SLC20A2: variants seen among roughly 807,000 people sequenced by gnomAD.
SLC20A2 encodes solute carrier family 20 member 2, also known as sodium-dependent phosphate transporter 2.
Under a neutral mutation model 61.0 loss-of-function variants are expected in SLC20A2, and 30 were observed. That is an observed-to-expected ratio of 0.49 (90% CI 0.37 to 0.67). The LOEUF (loss-of-function observed/expected upper bound fraction) is 0.67. Ranked by LOEUF, SLC20A2 falls within the 30% of genes least tolerant of loss-of-function variation. SLC20A2 has a pLI of 0.00. For missense variants in SLC20A2, 626 were observed against 866.4 expected (o/e 0.72, Z 3.48); for synonymous variants, 351 against 353.3 (o/e 0.99, Z 0.07).
In SLC20A2 at chr8:42,437,591, GAGA is replaced by G. The variant is rs1586025944; in HGVS notation, c.935-17_935-15del. The G allele has an allele frequency of 6.5e-7, 1 of 1,543,498 alleles. No individual in the cohort carries two copies. The highest frequency in any genetic ancestry group is 8.7e-7 in the Non-Finnish European group (1 of 1,145,914). Reference sequence around the variant, plus strand: ...ACAGTGCTCTTCCTGAAAAGGGTTAGAGAAGGTCTCATTTTCCAGTCTTTTTTT... The same window carrying G: ...ACAGTGCTCTTCCTGAAAAGGGTTAGAGGTCTCATTTTCCAGTCTTTTTTT... On this transcript the variant is annotated splice_polypyrimidine_tract_variant and intron_variant, in intron 7 of 10. Transcript: ENST00000520262. This position sits in a 1 kb window ranked among gnomAD's most constrained non-coding sequence, Gnocchi z 6.4.
intron 6 of SLC20A2, among the ~76,000 whole-genome samples, chr8:42,441,908 A>C (rs1308608867): frequency 6.6e-6 from 1 of 151,652 alleles, no homozygotes; most frequent in Non-Finnish European, 1.5e-5. Flanking sequence ...AATAGTTTGA[A>C]ATTTTGATGA....
At chr8:42,538,642 G>A (rs1237823398) in intron 1 of SLC20A2, among the ~76,000 whole-genome samples, 2 of 152,192 alleles carry the variant, frequency 1.3e-5, no homozygotes, top group Non-Finnish European at 2.9e-5. Flanking sequence ...AAAAGACAAT[G>A]AGTGAAACAG....
At position 42,416,840 on chromosome 8, in the gene SLC20A2, A is replaced by C. The variant is rs1802698520; in HGVS notation, c.*963T>G. 6.5e-6 allele frequency: 1 copy of C among 152,742 alleles called. No individual in the cohort carries two copies. The highest frequency in any genetic ancestry group is 1.5e-5 in the Non-Finnish European group (1 of 68,100). 9.5% of individuals were successfully genotyped at this position (152,742 alleles called of 1,614,324 possible). ...GGCTGCAGGGAGAATTGGGATAGAA[A>C]CTGACTCTGGACTTGACATGTAGTG... On this transcript the variant is annotated 3_prime_UTR_variant, in exon 11 of 11. Transcript: ENST00000520262.
At chr8:42,463,907 C>T (rs1054461075) in intron 3 of SLC20A2, among the ~76,000 whole-genome samples, 6 of 151,812 alleles carry the variant, frequency 4.0e-5, no homozygotes, top group East Asian at 3.9e-4. Context: ...GTATCGTTCA[C>T]GATGGGTGGG....
intron 1 of SLC20A2, among the ~76,000 whole-genome samples, chr8:42,481,203 A>C (rs972340405): frequency 3.9e-5 from 6 of 152,202 alleles, no homozygotes; most frequent in Non-Finnish European, 8.8e-5. Context: ...CAGAGTTAGA[A>C]GATCATAGAA....
At chr8:42,508,377 C>A (rs546500229) in intron 1 of SLC20A2, among the ~76,000 whole-genome samples, 1 of 150,012 alleles carries the variant, frequency 6.7e-6, no homozygotes, top group African/African-American at 2.5e-5. Flanking sequence ...TGTTTTGAGA[C>A]GGAGTCTCGG....
intron 1 of SLC20A2, among the ~76,000 whole-genome samples, chr8:42,493,288 C>A (rs1170087023): frequency 2.0e-5 from 3 of 152,210 alleles, no homozygotes; most frequent in Admixed American, 1.3e-4. Flanking sequence ...ATGAGGACAT[C>A]CTGGCAGCGT....
intron 8 of SLC20A2, among the ~76,000 whole-genome samples, chr8:42,436,499 T>G (rs1446276086): frequency 6.6e-6 from 1 of 152,118 alleles, no homozygotes; most frequent in Admixed American, 6.5e-5. Flanking sequence ...ACGTGCCCTG[T>G]GTGGCCCCTG....
At chr8:42,538,512 A>AG (rs35796631) in intron 1 of SLC20A2, among the ~76,000 whole-genome samples, 10,037 of 152,242 alleles carry the variant, frequency 0.066, 430 homozygotes, top group Middle Eastern at 0.14. Flanking sequence ...CCCTGCACCT[A>AG]AAAGCAGGTG....
chr8:42,428,399 T>C (rs1032066540), intron 10 of SLC20A2, among the ~76,000 whole-genome samples: 4 of 152,226 alleles, frequency 2.6e-5, no homozygotes, highest in South Asian at 2.1e-4. Context: ...AGTCCCCTCA[T>C]TGGCTGGACC....
intron 1 of SLC20A2, among the ~76,000 whole-genome samples, chr8:42,539,753 A>G (rs766219144): frequency 6.6e-6 from 1 of 152,206 alleles, no homozygotes; most frequent in Non-Finnish European, 1.5e-5. Flanking sequence ...GGCTTTCTCA[A>G]TATTTACCTT....
Position 42,488,467 on chromosome 8 carries a change from C to T in SLC20A2, c.-265+12564G>A, listed in dbSNP as rs546230176. ...CCTCCCAAAGTGCTGAGATTACAGGCGTGAGCCACTGCACCTGGCCATAAC... is the reference window on the plus strand; with the variant it reads ...CCTCCCAAAGTGCTGAGATTACAGGTGTGAGCCACTGCACCTGGCCATAAC... On this transcript the variant is annotated intron_variant, in intron 1 of 10. Transcript: ENST00000520262. 1.9e-4 allele frequency among the ~76,000 whole-genome samples: 29 copies of T among 152,110 alleles called. No homozygotes were observed. The East Asian group carries it at 4.6e-3, about 24-fold the overall frequency.
chr8:42,434,679 C>T (rs769625826), intron 8 of SLC20A2, among the ~76,000 whole-genome samples: 6 of 152,176 alleles, frequency 3.9e-5, no homozygotes, highest in South Asian at 2.1e-4. Flanking sequence ...GGCTCAACCT[C>T]GTGCTGAATG....
chr8:42,443,293 A>G (rs1184288883), intron 6 of SLC20A2, among the ~76,000 whole-genome samples: 19 of 135,810 alleles, frequency 1.4e-4, no homozygotes, highest in African/African-American at 4.3e-4. Context: ...ATATATATAT[A>G]TATATATATA....
In SLC20A2 at chr8:42,437,552, G is replaced by A. The variant is rs1158707541; in HGVS notation, c.960C>T (p.Gly320=). 1.9e-6 allele frequency: 3 copies of A among 1,613,656 alleles called. No homozygotes were observed. The highest frequency in any genetic ancestry group is 2.7e-5 in the African/African-American group (2 of 74,880). The change falls in exon 8 of 11, where the codon GGC becomes GGT. Residue 320 remains glycine, a synonymous_variant. Coordinates refer to ENST00000520262, the MANE Select transcript of SLC20A2 (RefSeq NM_001257180.2). The surrounding 1 kb of genome is among the most constrained non-coding windows in gnomAD (Gnocchi z 6.4). ...CGTTGGAGATGGGCGATTTCACAGA[G>A]CCATGGGTCATGGACAGTGCTCTTC... ...AYGRALSMTH[G]SVKSPISNGT... is the part of the protein sequence containing the mutation.
At chr8:42,539,051 T>A (rs1812888831) in intron 1 of SLC20A2, among the ~76,000 whole-genome samples, 1 of 152,136 alleles carries the variant, frequency 6.6e-6, no homozygotes, top group African/African-American at 2.4e-5. Flanking sequence ...CATGTATACA[T>A]CTTTTTTATT....
At chr8:42,529,477 A>C (rs1812195570) in intron 1 of SLC20A2, among the ~76,000 whole-genome samples, 1 of 152,208 alleles carries the variant, frequency 6.6e-6, no homozygotes, top group African/African-American at 2.4e-5. Flanking sequence ...GGGTTAATGT[A>C]TGTCAAGAAC....
intron 5 of SLC20A2, among the ~76,000 whole-genome samples, chr8:42,458,553 G>T (rs1806386500): frequency 1.3e-5 from 2 of 150,256 alleles, no homozygotes; most frequent in Admixed American, 6.7e-5. Context: ...GGCCCATGAG[G>T]TCAAGGCTGC....
At position 42,437,625 on chromosome 8, in the gene SLC20A2, T is replaced by G; in HGVS notation, c.935-48A>C. Reference sequence around the variant, plus strand: ...TCATTTTCCAGTCTTTTTTTTTTTTTTCTTTTCTTTTTGAGACGGAGCCTT... The same window carrying G: ...TCATTTTCCAGTCTTTTTTTTTTTTGTCTTTTCTTTTTGAGACGGAGCCTT... On this transcript the variant is annotated intron_variant, in intron 7 of 10. Coordinates refer to ENST00000520262, the MANE Select transcript of SLC20A2 (RefSeq NM_001257180.2). The surrounding 1 kb of genome is among the most constrained non-coding windows in gnomAD (Gnocchi z 6.4). 1 of 1,424,648 alleles carries G rather than the reference T, an allele frequency of 7.0e-7. No homozygotes were observed. The highest frequency in any genetic ancestry group is 2.4e-5 in the East Asian group (1 of 42,462). The allele number at this position is 1,424,648 out of a possible 1,614,324, so 88.3% of individuals were successfully genotyped here.
Sources: gnomAD v4.1 joint callset for allele counts (sites outside exome capture counted in the v4.1 genomes callset) on GRCh38, gnomAD v4.1.1 for gene constraint, Gnocchi (gnomAD v3.1) non-coding constraint, MANE v1.5 for transcripts, NCBI Gene and HGNC (gene_info 2026-07-23, HGNC 2026-07-21) for gene names.